The following MYO1D variants were observed in gnomAD, a reference collection of about 807,000 sequenced individuals.
MYO1D encodes unconventional myosin-Id.
Under a neutral mutation model 122.0 loss-of-function variants are expected in MYO1D, and 83 were observed. That is an observed-to-expected ratio of 0.68 (90% CI 0.57 to 0.82). The LOEUF (loss-of-function observed/expected upper bound fraction) is 0.82. Ranked by LOEUF, MYO1D falls within the 40% of genes least tolerant of loss-of-function variation. The pLI, the probability that MYO1D is intolerant of heterozygous loss-of-function variation, is 0.00. For synonymous variants in MYO1D, 464 were observed against 446.9 expected (o/e 1.04, Z -0.48); for missense variants, 1,157 against 1,269.5 (o/e 0.91, Z 1.35).
chr17:32,818,125 C>CAAAAAAAAAAAAAAAAAAAACAAAAAA (rs58466009), intron 1 of MYO1D, among the ~76,000 whole-genome samples: 1 of 46,018 alleles, frequency 2.2e-5, no homozygotes, highest in Non-Finnish European at 4.7e-5. Context: ...GACTCCGTCT[C>CAAAAAAAAAAAAAAAAAAAACAAAAAA]AAAAAAAAAA....
At chr17:32,784,035 G>A (rs1232897134) in intron 1 of MYO1D, among the ~76,000 whole-genome samples, 1 of 152,164 alleles carries the variant, frequency 6.6e-6, no homozygotes, top group East Asian at 1.9e-4. Flanking sequence ...CAACAATATA[G>A]TATGATAGGT....
chr17:32,654,328 T>C, intron 18 of MYO1D, 149 bp downstream of exon 18: 1 of 877,604 alleles, frequency 1.1e-6, no homozygotes, highest in Non-Finnish European at 1.7e-6. Context: ...TACTGTACAT[T>C]TAGAAGCAAT....
rs549257000 is a variant in MYO1D at position 32,851,858 on chromosome 17, G to A, written c.95+24920C>T. Among the ~76,000 whole-genome samples the A allele has an allele frequency of 6.1e-4, 93 of 152,296 alleles. 1 individual carries two copies. The highest frequency in any genetic ancestry group is 5.0e-3 in the South Asian group (24 of 4,824). On this transcript the variant is annotated intron_variant, in intron 1 of 21. Transcript: ENST00000318217. ...CTCAGGCTGTAATGCTTGCTGGCCCGCTGCTCACCTCCTGATGTGCAGCCC... is the reference window on the plus strand; with the variant it reads ...CTCAGGCTGTAATGCTTGCTGGCCCACTGCTCACCTCCTGATGTGCAGCCC...
intron 15 of MYO1D, among the ~76,000 whole-genome samples, chr17:32,718,219 G>A (rs2089469833): frequency 6.6e-6 from 1 of 152,160 alleles, no homozygotes; most frequent in Admixed American, 6.5e-5. Flanking sequence ...TGACAAACGT[G>A]TATACTCATG....
chr17:32,503,548 G>T (rs1909392248), intron 21 of MYO1D, among the ~76,000 whole-genome samples: 1 of 152,250 alleles, frequency 6.6e-6, no homozygotes. Flanking sequence ...GGTGCAGCAA[G>T]GAGTGTCTGA....
intron 14 of MYO1D, among the ~76,000 whole-genome samples, chr17:32,725,155 A>T (rs1194127316): frequency 5.9e-5 from 9 of 152,326 alleles, no homozygotes; most frequent in Non-Finnish European, 1.2e-4. Flanking sequence ...AGCCAAATGG[A>T]AACCTAGAAC....
chr17:32,851,501 A>T (rs893639718), intron 1 of MYO1D, among the ~76,000 whole-genome samples: 9 of 151,718 alleles, frequency 5.9e-5, no homozygotes, highest in African/African-American at 2.2e-4. Flanking sequence ...CACCTCATCT[A>T]CTCCTCAGCT....
chr17:32,668,202 T>C (rs17780628), intron 16 of MYO1D, among the ~76,000 whole-genome samples: 22,459 of 152,238 alleles, frequency 0.15, 2,158 homozygotes, highest in Middle Eastern at 0.24. Flanking sequence ...GATGTAGAAC[T>C]ACAGAGTTTT....
intron 20 of MYO1D, 105 bp from the exon 21 acceptor site, chr17:32,605,346 G>C: frequency 9.3e-7 from 1 of 1,071,918 alleles, no homozygotes; most frequent in East Asian, 2.6e-5. Flanking sequence ...TGTAGTCCCA[G>C]CTACTTGGGA....
At chr17:32,535,859 A>T (rs1910648358) in intron 21 of MYO1D, among the ~76,000 whole-genome samples, 1 of 152,250 alleles carries the variant, frequency 6.6e-6, no homozygotes, top group African/African-American at 2.4e-5. Context: ...TTACCTGCAG[A>T]AATAAGACTG....
At position 32,767,758 on chromosome 17, in the gene MYO1D, G is replaced by T. The variant is rs780136436; in HGVS notation, c.715-6C>A. The T allele has an allele frequency of 2.1e-5, 34 of 1,588,308 alleles. No individual in the cohort carries two copies. The African/African-American group carries it at 4.4e-4, about 21-fold the overall frequency. ...GCAGCATCATTGATAGAAGACTGGG[G>T]ATGAAAATGAAAAACTGAAGTTACA... is the stretch of plus-strand genomic sequence containing the variant. On this transcript the variant is annotated splice_polypyrimidine_tract_variant and splice_region_variant and intron_variant, in intron 6 of 21. Coordinates refer to ENST00000318217, the MANE Select transcript of MYO1D (RefSeq NM_015194.3).
chr17:32,838,764 C>G (rs1389292233), intron 1 of MYO1D, among the ~76,000 whole-genome samples: 1 of 152,072 alleles, frequency 6.6e-6, no homozygotes, highest in Admixed American at 6.5e-5. Context: ...TAGAGGAAGT[C>G]AGGAGTACAG....
chr17:32,563,797 C>T (rs1345887130), intron 21 of MYO1D, among the ~76,000 whole-genome samples: 2 of 152,214 alleles, frequency 1.3e-5, no homozygotes, highest in African/African-American at 4.8e-5. Context: ...TTGCTGCACA[C>T]GTGGCATTCA....
intron 21 of MYO1D, among the ~76,000 whole-genome samples, chr17:32,566,802 TA>T (rs1488152196): frequency 4.0e-5 from 3 of 75,466 alleles, no homozygotes; most frequent in African/African-American, 5.6e-5. Flanking sequence ...AAGCAACTTG[TA>T]AAAGCTTCCC....
chr17:32,818,050 C>T (rs1033953964), intron 1 of MYO1D, among the ~76,000 whole-genome samples: 13 of 140,192 alleles, frequency 9.3e-5, no homozygotes, highest in Non-Finnish European at 1.7e-4. Context: ...GGCGTGAACC[C>T]GGGAGGCGGA....
chr17:32,767,794 A>G (rs2090074057), intron 6 of MYO1D, 42 bp from the exon 7 acceptor site: 5 of 1,392,714 alleles, frequency 3.6e-6, no homozygotes, highest in South Asian at 1.2e-5. Context: ...GATATTTCCT[A>G]TGAGCATTAA....
At chr17:32,765,133 A>G in intron 7 of MYO1D, 52 bp from the exon 8 acceptor site, 2 of 1,431,562 alleles carry the variant, frequency 1.4e-6, no homozygotes, top group Non-Finnish European at 2.0e-6. Flanking sequence ...TGTCAAGGAT[A>G]TATTTGCCAA....
intron 21 of MYO1D, among the ~76,000 whole-genome samples, chr17:32,561,970 C>T (rs1322945963): frequency 1.3e-5 from 2 of 148,694 alleles, no homozygotes; most frequent in Non-Finnish European, 3.0e-5. Flanking sequence ...TCAGCATAAA[C>T]CATTTTGGCA....
intron 21 of MYO1D, among the ~76,000 whole-genome samples, chr17:32,512,391 T>A (rs1396966012): frequency 6.6e-6 from 1 of 151,664 alleles, no homozygotes; most frequent in Non-Finnish European, 1.5e-5. Flanking sequence ...TCAAAAAAGC[T>A]CAGAGCCTGG....
Sources: allele counts gnomAD v4.1 joint callset (sites outside exome capture counted in the v4.1 genomes callset), GRCh38; gene constraint gnomAD v4.1.1; transcripts MANE v1.5; gene names NCBI Gene and HGNC (gene_info 2026-07-23, HGNC 2026-07-21).